Variants in NRGN observed in about 807,000 individuals in gnomAD.
NRGN encodes calmodulin-binding protein.
For synonymous variants in NRGN, 47 were observed against 52.8 expected, an observed-to-expected ratio of 0.89 and a Z score of 0.47; for missense variants, 82 against 123.0, an observed-to-expected ratio of 0.67 and a Z score of 1.58.
rs1405842047 is a variant in NRGN at position 124,745,880 on chromosome 11, A to G, written c.*6-85A>G. 3 of 401,736 alleles carry G rather than the reference A, an allele frequency of 7.5e-6. No individual in the cohort carries two copies. The highest frequency in any genetic ancestry group is 1.3e-5 in the Non-Finnish European group (3 of 231,962). 24.9% of individuals were successfully genotyped at this position (401,736 alleles called of 1,614,324 possible). On this transcript the variant is annotated intron_variant, in intron 2 of 3. Transcript: ENST00000284292. This position sits in a 1 kb window ranked among gnomAD's most constrained non-coding sequence, Gnocchi z 6.4. ...AATCCGAGATGGGAGGTGGGTGGGA[A>G]GAGGCTGAAGGTTGCGCGGATTCCA...
chr11:124,743,588 A>T (rs945467785), intron 1 of NRGN, among the ~76,000 whole-genome samples: 1 of 152,088 alleles, frequency 6.6e-6, no homozygotes, highest in African/African-American at 2.4e-5. Context: ...TAAATCGATT[A>T]TGGGCATCTT....
At chr11:124,744,060 C>T (rs1009559672) in intron 1 of NRGN, among the ~76,000 whole-genome samples, 1 of 152,130 alleles carries the variant, frequency 6.6e-6, no homozygotes, top group Non-Finnish European at 1.5e-5. Flanking sequence ...AATTCCTCTC[C>T]GTTCCATAGC....
At position 124,745,700 on chromosome 11, in the gene NRGN, G is replaced by C; in HGVS notation, c.213G>C (p.Ala71=). ...GAGCTGGGGTGGCCCGGGGAGGCGC[G>C]GGCGGCGGCCCCAGCGGAGACTAGG... is the stretch of plus-strand genomic sequence containing the variant. ...PGGAGVARGG[A]GGGPSGD The change falls in exon 2 of 4, where the codon GCG becomes GCC. Residue 71 remains alanine (A), a synonymous_variant. Transcript: ENST00000284292. The surrounding 1 kb of genome is among the most constrained non-coding windows in gnomAD (Gnocchi z 6.4). 7.1e-7 allele frequency: 1 copy of C among 1,403,434 alleles called. No homozygotes were observed. The highest frequency in any genetic ancestry group is 9.2e-7 in the Non-Finnish European group (1 of 1,085,540). 86.9% of individuals were successfully genotyped at this position (1,403,434 alleles called of 1,614,324 possible).
chr11:124,743,064 A>C (rs2134445167), intron 1 of NRGN, among the ~76,000 whole-genome samples: 1 of 152,176 alleles, frequency 6.6e-6, no homozygotes, highest in South Asian at 2.1e-4. Context: ...TGACCAATGA[A>C]CCTCTTCCCA....
rs1184206511 is a variant in NRGN at position 124,740,651 on chromosome 11, G to T, written c.15+552G>T. Reference sequence around the variant, plus strand: ...CTAGTCAGGGTGGTTCTGGGGAGGGGTTGTCCCGGCCCCCAAGGCCTTCTC... The same window carrying T: ...CTAGTCAGGGTGGTTCTGGGGAGGGTTTGTCCCGGCCCCCAAGGCCTTCTC... On this transcript the variant is annotated intron_variant, in intron 1 of 3. Transcript: ENST00000284292. This position sits in a 1 kb window ranked among gnomAD's most constrained non-coding sequence, Gnocchi z 7.5. 2.6e-5 allele frequency among the ~76,000 whole-genome samples: 4 copies of T among 152,276 alleles called. No homozygotes were observed. The highest frequency in any genetic ancestry group is 4.4e-5 in the Non-Finnish European group (3 of 68,052).
intron 1 of NRGN, among the ~76,000 whole-genome samples, chr11:124,743,323 C>T (rs561762074): frequency 6.6e-6 from 1 of 152,286 alleles, no homozygotes; most frequent in South Asian, 2.1e-4. Context: ...TCCACAGCTG[C>T]GAGGCCAAGG....
rs1054136239 is a variant in NRGN, at chr11:124,741,138, G to T, written c.15+1039G>T. On this transcript the variant is annotated intron_variant, in intron 1 of 3. Transcript: ENST00000284292. ...AGAACACTTAGGGGCAAGTGGTGGT[G>T]GTTGCGATTTTAACTCTTATTAGTT... Among the ~76,000 whole-genome samples the T allele has an allele frequency of 1.1e-4, 17 of 152,334 alleles. 1 individual carries two copies. The South Asian group carries it at 3.1e-3, about 28-fold the overall frequency.
chr11:124,744,643 G>GTAA (rs1438561246), intron 1 of NRGN: 1 of 152,130 alleles, frequency 6.6e-6, no homozygotes, highest in African/African-American at 2.4e-5. Flanking sequence ...AAAAAGGTAC[G>GTAA]TAATAGCTTT....
chr11:124,742,792 A>G (rs541757145), intron 1 of NRGN, among the ~76,000 whole-genome samples: 21 of 152,322 alleles, frequency 1.4e-4, no homozygotes, highest in Admixed American at 1.4e-3. Flanking sequence ...GCCTGACATA[A>G]TAACAAGCAG....
intron 1 of NRGN, among the ~76,000 whole-genome samples, chr11:124,742,118 A>G (rs1361368003): frequency 6.6e-6 from 1 of 151,998 alleles, no homozygotes; most frequent in Middle Eastern, 3.2e-3. Flanking sequence ...CAGACTGTGC[A>G]GGAGGGCAGG....
chr11:124,740,075 C>T lies in NRGN; in HGVS notation c.-10C>T, dbSNP rs1943954706. The T allele has an allele frequency of 1.5e-6, 2 of 1,343,504 alleles. No homozygotes were observed. The highest frequency in any genetic ancestry group is 1.5e-5 in the African/African-American group (1 of 66,382). 83.2% of individuals were successfully genotyped at this position (1,343,504 alleles called of 1,614,324 possible). On this transcript the variant is annotated 5_prime_UTR_variant, in exon 1 of 4. Transcript: ENST00000284292. The surrounding 1 kb of genome is among the most constrained non-coding windows in gnomAD (Gnocchi z 7.5). ...GCCTTCGTCCCCGCAGAGGACCCCC[C>T]GACACCAGCATGGACTGCTGCACCG...
In NRGN at chr11:124,740,756, C is replaced by T. The variant is rs1448836725; in HGVS notation, c.15+657C>T. ...GAAGTGTCTGCAATTTGTCAGCGCC[C>T]ACGCGGAAACCTGGGTACTGCAAGT... On this transcript the variant is annotated intron_variant, in intron 1 of 3. Transcript: ENST00000284292. This position sits in a 1 kb window ranked among gnomAD's most constrained non-coding sequence, Gnocchi z 7.5. 6.6e-6 allele frequency among the ~76,000 whole-genome samples: 1 copy of T among 152,242 alleles called. No individual in the cohort carries two copies. Among genetic ancestry groups the T allele is most frequent in the African/African-American group, 2.4e-5 (1 of 41,458 alleles).
Position 124,745,465 on chromosome 11 carries a change from C to T in NRGN, c.16-38C>T. The T allele has an allele frequency of 7.4e-6, 11 of 1,484,180 alleles. No individual in the cohort carries two copies. The highest frequency in any genetic ancestry group is 1.0e-5 in the Non-Finnish European group (11 of 1,103,442). The allele number at this position is 1,484,180 out of a possible 1,614,324, so 91.9% of individuals were successfully genotyped here. A position where few individuals can be genotyped will look rare whatever the true frequency, so the allele number is the denominator to read the frequency against. On this transcript the variant is annotated intron_variant, in intron 1 of 3. Coordinates refer to ENST00000284292, the MANE Select transcript of NRGN (RefSeq NM_006176.3). The surrounding 1 kb of genome is among the most constrained non-coding windows in gnomAD (Gnocchi z 6.4). ...CTACCCCACTCCCGCGGATCAAGAC[C>T]CAGTGACCCCACAAGAACCCCCCTG...
chr11:124,741,107 A>G (rs1336538947), intron 1 of NRGN, among the ~76,000 whole-genome samples: 1 of 152,252 alleles, frequency 6.6e-6, no homozygotes, highest in African/African-American at 2.4e-5. Context: ...GGGTACCAAG[A>G]GGCAGAGAAC....
chr11:124,745,851 TA>T lies in NRGN; in HGVS notation c.*6-113del. 4.3e-6 allele frequency: 2 copies of T among 460,408 alleles called. No individual in the cohort carries two copies. The highest frequency in any genetic ancestry group is 7.8e-5 in the East Asian group (2 of 25,760). 28.5% of individuals were successfully genotyped at this position (460,408 alleles called of 1,614,324 possible). On this transcript the variant is annotated intron_variant, in intron 2 of 3. Coordinates refer to ENST00000284292, the MANE Select transcript of NRGN (RefSeq NM_006176.3). This position sits in a 1 kb window ranked among gnomAD's most constrained non-coding sequence, Gnocchi z 6.4. ...GTGGAGGGAGCTAAGGGTTGGGGGA[TA>T]GAAATCCGAGATGGGAGGTGGGTGG...
rs547633360 is a variant in NRGN at position 124,745,488 on chromosome 11, C to T, written c.16-15C>T. ...ACCCAGTGACCCCACAAGAACCCCC[C>T]TGCTTCGCCCCCAGGAGAACGCCTG... On this transcript the variant is annotated splice_polypyrimidine_tract_variant and intron_variant, in intron 1 of 3. Coordinates refer to ENST00000284292, the MANE Select transcript of NRGN (RefSeq NM_006176.3). This position sits in a 1 kb window ranked among gnomAD's most constrained non-coding sequence, Gnocchi z 6.4. The T allele has an allele frequency of 1.3e-6, 2 of 1,563,038 alleles. No individual in the cohort carries two copies. Among genetic ancestry groups the T allele is most frequent in the East Asian group, 2.4e-5 (1 of 41,492 alleles).
Position 124,740,015 on chromosome 11 carries a change from C to T in NRGN, c.-70C>T. 1 of 778,790 alleles carries T rather than the reference C, an allele frequency of 1.3e-6. No individual in the cohort carries two copies. Among genetic ancestry groups the T allele is most frequent in the African/African-American group, 1.8e-5 (1 of 54,966 alleles). 48.2% of individuals were successfully genotyped at this position (778,790 alleles called of 1,614,324 possible). On this transcript the variant is annotated 5_prime_UTR_variant, in exon 1 of 4. Coordinates refer to ENST00000284292, the MANE Select transcript of NRGN (RefSeq NM_006176.3). This position sits in a 1 kb window ranked among gnomAD's most constrained non-coding sequence, Gnocchi z 7.5. Reference sequence around the variant, plus strand: ...GGCCGACTGCCCCAGAGCCCCCACCCGGCACCACACAGACCCCACCCCCGC... The same window carrying T: ...GGCCGACTGCCCCAGAGCCCCCACCTGGCACCACACAGACCCCACCCCCGC...
Position 124,740,568 on chromosome 11 carries a change from G to T in NRGN, c.15+469G>T, listed in dbSNP as rs1308213508. On this transcript the variant is annotated intron_variant, in intron 1 of 3. Transcript: ENST00000284292. This position sits in a 1 kb window ranked among gnomAD's most constrained non-coding sequence, Gnocchi z 7.5. ...CCTCCAACGATCGCCTAAGCGCCCT[G>T]TGCAGCGCAGGCTGGTCCATATTGG... Among the ~76,000 whole-genome samples the T allele has an allele frequency of 6.6e-6, 1 of 152,266 alleles. No individual in the cohort carries two copies. The highest frequency in any genetic ancestry group is 2.4e-5 in the African/African-American group (1 of 41,468).
rs184984512 is a variant in NRGN, at chr11:124,745,289, A to G, written c.16-214A>G. On this transcript the variant is annotated intron_variant, in intron 1 of 3. Transcript: ENST00000284292. This position sits in a 1 kb window ranked among gnomAD's most constrained non-coding sequence, Gnocchi z 6.4. Reference sequence around the variant, plus strand: ...GCACTTCTCTTTCCTGAATTGAGACATGACTGTCCACCTGGCCCTGAACCT... The same window carrying G: ...GCACTTCTCTTTCCTGAATTGAGACGTGACTGTCCACCTGGCCCTGAACCT... Among the ~76,000 whole-genome samples, 26 of 152,180 alleles carry G rather than the reference A, an allele frequency of 1.7e-4. No homozygotes were observed. The highest frequency in any genetic ancestry group is 6.0e-4 in the African/African-American group (25 of 41,498).
Sources: gnomAD v4.1 joint callset for allele counts (sites outside exome capture counted in the v4.1 genomes callset) on GRCh38, gnomAD v4.1.1 for gene constraint, Gnocchi (gnomAD v3.1) non-coding constraint, MANE v1.5 for transcripts, NCBI Gene and HGNC (gene_info 2026-07-23, HGNC 2026-07-21) for gene names.